The following RASGEF1C variants were observed in gnomAD, a reference collection of about 807,000 sequenced individuals.
The protein encoded by RASGEF1C is RasGEF domain family member 1C, also known as ras-GEF domain-containing family member 1C.
Under a neutral mutation model 58.1 loss-of-function variants are expected in RASGEF1C, and 27 were observed. The observed-to-expected ratio is 0.46, with a 90% CI of 0.34 to 0.64. The LOEUF is 0.64. Among genes scored for constraint, RASGEF1C ranks in the 30% least tolerant of loss-of-function variants. RASGEF1C has a pLI of 0.01. For synonymous variants in RASGEF1C, 243 were observed against 246.3 expected, an observed-to-expected ratio of 0.99 and a Z score of 0.13; for missense variants, 502 against 605.1, an observed-to-expected ratio of 0.83 and a Z score of 1.79.
chr5:180,154,967 G>C (rs115225465), intron 1 of RASGEF1C, among the ~76,000 whole-genome samples: 1 of 152,140 alleles, frequency 6.6e-6, no homozygotes, highest in Non-Finnish European at 1.5e-5. Context: ...GACAGACTTG[G>C]CCTGAAGGTT....
chr5:180,172,143 C>T (rs905843058), intron 1 of RASGEF1C, among the ~76,000 whole-genome samples: 1 of 152,228 alleles, frequency 6.6e-6, no homozygotes, highest in Non-Finnish European at 1.5e-5. Flanking sequence ...TCCGATTCAC[C>T]TAAAGGTAGG....
Position 180,100,980 on chromosome 5 carries a change from A to G in RASGEF1C, c.*521T>C, listed in dbSNP as rs981994628. 2.6e-5 allele frequency: 4 copies of G among 155,528 alleles called. No homozygotes were observed. Among genetic ancestry groups the G allele is most frequent in the Non-Finnish European group, 5.7e-5 (4 of 69,810 alleles). The allele number at this position is 155,528 out of a possible 1,614,324, so 9.6% of individuals were successfully genotyped here. On this transcript the variant is annotated 3_prime_UTR_variant, in exon 14 of 14. Coordinates refer to ENST00000361132, the MANE Select transcript of RASGEF1C (RefSeq NM_175062.4). ...GGGGGTACCTGGGGCTGCAGAGACAAGCTCGTCGGCAGGGCAGGGTGAGGG... is the reference window on the plus strand; with the variant it reads ...GGGGGTACCTGGGGCTGCAGAGACAGGCTCGTCGGCAGGGCAGGGTGAGGG...
intron 1 of RASGEF1C, among the ~76,000 whole-genome samples, chr5:180,141,860 C>T (rs963087566): frequency 2.0e-5 from 3 of 152,002 alleles, no homozygotes; most frequent in Admixed American, 1.3e-4. Context: ...CAGGTGCCCA[C>T]CACCACACTC....
chr5:180,197,936 C>G lies in RASGEF1C; in HGVS notation c.-7+11092G>C, dbSNP rs955687004. Among the ~76,000 whole-genome samples, 1 of 152,216 alleles carries G rather than the reference C, an allele frequency of 6.6e-6. No homozygotes were observed. Among genetic ancestry groups the G allele is most frequent in the Non-Finnish European group, 1.5e-5 (1 of 68,040 alleles). ...CCCACGCTTAGCGACATCCAATGCACGTAAAGCAGAAATTCCCCAATTAGG... is the reference window on the plus strand; with the variant it reads ...CCCACGCTTAGCGACATCCAATGCAGGTAAAGCAGAAATTCCCCAATTAGG... On this transcript the variant is annotated intron_variant, in intron 1 of 13. Transcript: ENST00000361132. This position sits in a 1 kb window ranked among gnomAD's most constrained non-coding sequence, Gnocchi z 4.7.
At chr5:180,181,349 G>A (rs1389443263) in intron 1 of RASGEF1C, among the ~76,000 whole-genome samples, 3 of 152,208 alleles carry the variant, frequency 2.0e-5, no homozygotes, top group Non-Finnish European at 2.9e-5. Flanking sequence ...TAGCATTGTC[G>A]TCGGTTGGAC....
intron 1 of RASGEF1C, chr5:180,138,442 C>T (rs1176968485): frequency 5.9e-6 from 1 of 169,730 alleles, no homozygotes; most frequent in Admixed American, 6.3e-5. Flanking sequence ...GGGATTGGCC[C>T]CATCCAAATT....
At chr5:180,203,879 G>T (rs1333881857) in intron 1 of RASGEF1C, among the ~76,000 whole-genome samples, 2 of 152,142 alleles carry the variant, frequency 1.3e-5, no homozygotes, top group Admixed American at 6.5e-5. Flanking sequence ...TGTAATCCCA[G>T]CCACTTGGGA....
rs578197994 is a variant in RASGEF1C, at chr5:180,131,915, T to C, written c.439-3305A>G. Among the ~76,000 whole-genome samples, 16 of 152,360 alleles carry C rather than the reference T, an allele frequency of 1.1e-4. No individual in the cohort carries two copies. The South Asian group carries it at 3.3e-3, about 32-fold the overall frequency. ...TTTATTTCGATTTTTCCAGTGATGT[T>C]AGGTTCTAGCTTGTTTGTTCTTTCC... On this transcript the variant is annotated intron_variant, in intron 4 of 13. Coordinates refer to ENST00000361132, the MANE Select transcript of RASGEF1C (RefSeq NM_175062.4).
At chr5:180,192,706 T>A (rs1039698540) in intron 1 of RASGEF1C, among the ~76,000 whole-genome samples, 3 of 151,916 alleles carry the variant, frequency 2.0e-5, no homozygotes, top group African/African-American at 2.4e-5. Flanking sequence ...AGGTTGGATA[T>A]ACTGGGTTAA....
intron 1 of RASGEF1C, among the ~76,000 whole-genome samples, chr5:180,196,843 G>C (rs1410759813): frequency 6.6e-6 from 1 of 152,112 alleles, no homozygotes; most frequent in East Asian, 1.9e-4. Flanking sequence ...ACAAGATAAA[G>C]TTTAAGGAGA....
In RASGEF1C at chr5:180,113,600, C is replaced by T. The variant is rs1463972372; in HGVS notation, c.1179+846G>A. On this transcript the variant is annotated intron_variant, in intron 11 of 13. Transcript: ENST00000361132. The stretch of plus-strand genomic sequence containing the variant: ...GATGGACGGAGGGATCGGGGATGGA[C>T]GGAGGGATCGGGGATGGACGGAGGG... Among the ~76,000 whole-genome samples the T allele has an allele frequency of 6.4e-4, 47 of 73,006 alleles. 1 individual carries two copies. Among genetic ancestry groups the T allele is most frequent in the African/African-American group, 2.8e-3 (44 of 15,986 alleles). 47.9% of individuals were successfully genotyped at this position (73,006 alleles called of 152,430 possible).
chr5:180,121,620 C>T (rs1391374858), intron 6 of RASGEF1C, among the ~76,000 whole-genome samples: 2 of 149,342 alleles, frequency 1.3e-5, no homozygotes, highest in African/African-American at 2.5e-5. Flanking sequence ...GCTAAAAATA[C>T]ATTTTAAAAT....
At chr5:180,163,795 G>A (rs990257788) in intron 1 of RASGEF1C, among the ~76,000 whole-genome samples, 6 of 152,108 alleles carry the variant, frequency 3.9e-5, no homozygotes, top group African/African-American at 1.4e-4. Flanking sequence ...TTCTGAAAGC[G>A]ACAGTATAGA....
rs575720194 is a variant in RASGEF1C at position 180,179,159 on chromosome 5, G to A, written c.-7+29869C>T. Among the ~76,000 whole-genome samples the A allele has an allele frequency of 5.3e-5, 8 of 152,298 alleles. No individual in the cohort carries two copies. The South Asian group carries it at 1.7e-3, about 32-fold the overall frequency. ...ATGCAGCCCAGTGCCTGCATTCTGC[G>A]CAGATTGGGAGGGTGGCGTGCATGG... On this transcript the variant is annotated intron_variant, in intron 1 of 13. Coordinates refer to ENST00000361132, the MANE Select transcript of RASGEF1C (RefSeq NM_175062.4).
At chr5:180,178,043 C>T (rs1347018806) in intron 1 of RASGEF1C, among the ~76,000 whole-genome samples, 5 of 151,278 alleles carry the variant, frequency 3.3e-5, no homozygotes, top group South Asian at 2.1e-4. Context: ...CTCGGCTCAC[C>T]GCAACTTTCG....
chr5:180,111,540 G>T lies in RASGEF1C; in HGVS notation c.1220C>A (p.Thr407Asn), dbSNP rs772317775. The T allele has an allele frequency of 6.8e-6, 11 of 1,613,906 alleles. No homozygotes were observed. The highest frequency in any genetic ancestry group is 1.6e-4 in the Middle Eastern group (1 of 6,084). ...GAAGGGACACTCCACTTGTTTCCAG[G>T]TGATGAACTCCCCCACCTGCTTGGC... ...ELAKQVGEFITWKQVECPFEQ... is the reference protein window; with the variant it reads ...ELAKQVGEFINWKQVECPFEQ... Residue 407 changes from threonine to asparagine, a missense_variant, in exon 12 of 14, where the codon ACC (threonine) becomes AAC (asparagine). Thr to Asn is a moderately conservative substitution (Grantham distance 65). Coordinates refer to ENST00000361132, the MANE Select transcript of RASGEF1C (RefSeq NM_175062.4).
rs903662708 is a variant in RASGEF1C at position 180,136,868 on chromosome 5, TG to T, written c.301-354del. On this transcript the variant is annotated intron_variant, in intron 3 of 13. Coordinates refer to ENST00000361132, the MANE Select transcript of RASGEF1C (RefSeq NM_175062.4). ...CAATCAGAGCAGGCATACGCCATCG[TG>T]CACAGTGATTGGCTCACAGGTGGCC... The T allele has an allele frequency of 5.3e-5, 14 of 264,704 alleles. No individual in the cohort carries two copies. The Admixed American group carries it at 7.0e-4, about 13-fold the overall frequency. 16.4% of individuals were successfully genotyped at this position (264,704 alleles called of 1,614,324 possible).
At chr5:180,117,174 T>G (rs1766083668) in intron 10 of RASGEF1C, among the ~76,000 whole-genome samples, 1 of 152,190 alleles carries the variant, frequency 6.6e-6, no homozygotes. Flanking sequence ...TGCTCCCCTC[T>G]GCAGCAGACC....
rs547190056 is a variant in RASGEF1C, at chr5:180,183,876, A to G, written c.-7+25152T>C. Among the ~76,000 whole-genome samples the G allele has an allele frequency of 1.4e-4, 21 of 152,208 alleles. No homozygotes were observed. The South Asian group carries it at 4.1e-3, about 30-fold the overall frequency. The stretch of plus-strand genomic sequence containing the variant: ...GATTTCAGAATAGATTTCAGATCAA[A>G]TAAATAAACAGCCGGCCGGGTGTGA... On this transcript the variant is annotated intron_variant, in intron 1 of 13. Coordinates refer to ENST00000361132, the MANE Select transcript of RASGEF1C (RefSeq NM_175062.4).
Sources: gnomAD v4.1 joint callset for allele counts (sites outside exome capture counted in the v4.1 genomes callset) on GRCh38, gnomAD v4.1.1 for gene constraint, Gnocchi (gnomAD v3.1) non-coding constraint, MANE v1.5 for transcripts, NCBI Gene and HGNC (gene_info 2026-07-23, HGNC 2026-07-21) for gene names.